Variants in ADAMTS19 observed in about 807,000 individuals in gnomAD.
ADAMTS19 encodes ADAM metallopeptidase with thrombospondin type 1 motif 19, also known as A disintegrin and metalloproteinase with thrombospondin motifs 19.
In ADAMTS19, 93 loss-of-function variants were observed where a neutral mutation model predicts 153.3. That is an observed-to-expected ratio of 0.61 (90% CI 0.51 to 0.72). The LOEUF is 0.72. ADAMTS19 is among the 30% of genes least tolerant of loss of function. ADAMTS19 has a pLI of 0.00. For synonymous variants in ADAMTS19, 600 were observed against 556.6 expected (o/e 1.08, Z -1.10); for missense variants, 1,482 against 1,552.1 (o/e 0.95, Z 0.76).
At chr5:129,515,918 A>C (rs901875282) in intron 3 of ADAMTS19, among the ~76,000 whole-genome samples, 3 of 151,812 alleles carry the variant, frequency 2.0e-5, no homozygotes, top group African/African-American at 7.2e-5. Flanking sequence ...TACTAGCTGT[A>C]GGCCTGTGGC....
chr5:129,510,747 A>G (rs1388638345), intron 3 of ADAMTS19, among the ~76,000 whole-genome samples: 2 of 151,740 alleles, frequency 1.3e-5, no homozygotes, highest in Non-Finnish European at 1.5e-5. Flanking sequence ...CAGGCTCTGT[A>G]TGCCATTATG....
At chr5:129,608,324 G>A (rs1324362425) in intron 8 of ADAMTS19, among the ~76,000 whole-genome samples, 1 of 151,564 alleles carries the variant, frequency 6.6e-6, no homozygotes, top group East Asian at 1.9e-4. Context: ...AAGAATGGTG[G>A]TTACCAGGAG....
At chr5:129,549,739 A>G (rs1160886977) in intron 6 of ADAMTS19, among the ~76,000 whole-genome samples, 2 of 150,928 alleles carry the variant, frequency 1.3e-5, no homozygotes, top group Non-Finnish European at 3.0e-5. Context: ...ACTCCAAAAA[A>G]TTAAATATAC....
intron 12 of ADAMTS19, among the ~76,000 whole-genome samples, chr5:129,648,210 GA>G (rs1206809972): frequency 5.9e-5 from 9 of 152,302 alleles, no homozygotes; most frequent in African/African-American, 1.7e-4. Flanking sequence ...GAGAAGAGCA[GA>G]AGGATGATAA....
intron 7 of ADAMTS19, among the ~76,000 whole-genome samples, chr5:129,555,491 G>T (rs1452732735): frequency 6.6e-6 from 1 of 152,140 alleles, no homozygotes; most frequent in African/African-American, 2.4e-5. Flanking sequence ...CAGATGTCTA[G>T]ATTTAAATCA....
intron 21 of ADAMTS19, among the ~76,000 whole-genome samples, chr5:129,722,998 A>G (rs749607235): frequency 2.0e-5 from 3 of 151,854 alleles, no homozygotes; most frequent in Non-Finnish European, 2.9e-5. Context: ...ACACATTTTC[A>G]TTTTCTCTCA....
At chr5:129,673,579 T>C (rs963384209) in intron 16 of ADAMTS19, among the ~76,000 whole-genome samples, 1 of 152,154 alleles carries the variant, frequency 6.6e-6, no homozygotes, top group African/African-American at 2.4e-5. Flanking sequence ...CAATGACCCG[T>C]TTATACTTGA....
Position 129,503,343 on chromosome 5 carries a change from T to C in ADAMTS19, c.748-5734T>C, listed in dbSNP as rs373508373. ...GTGTAGTTTTATACAGATTTATATGTAGATATAGAATACACAAATGCATGA... is the reference window on the plus strand; with the variant it reads ...GTGTAGTTTTATACAGATTTATATGCAGATATAGAATACACAAATGCATGA... On this transcript the variant is annotated intron_variant, in intron 2 of 22. Transcript: ENST00000274487. 4.6e-5 allele frequency among the ~76,000 whole-genome samples: 7 copies of C among 152,270 alleles called. No homozygotes were observed. The East Asian group carries it at 1.2e-3, about 25-fold the overall frequency.
chr5:129,524,755 A>G (rs1751945527), intron 3 of ADAMTS19, among the ~76,000 whole-genome samples: 1 of 151,756 alleles, frequency 6.6e-6, no homozygotes, highest in Admixed American at 6.6e-5. Context: ...CCAGAACTTG[A>G]AGGGAAAAAA....
intron 2 of ADAMTS19, among the ~76,000 whole-genome samples, chr5:129,473,549 A>T (rs1010761624): frequency 2.6e-5 from 4 of 152,132 alleles, no homozygotes; most frequent in Non-Finnish European, 5.9e-5. Flanking sequence ...ATATTTGTAT[A>T]TAAATATAAT....
At chr5:129,577,623 A>G (rs910973481) in intron 7 of ADAMTS19, among the ~76,000 whole-genome samples, 3 of 152,156 alleles carry the variant, frequency 2.0e-5, no homozygotes, top group Non-Finnish European at 4.4e-5. Flanking sequence ...AATCCAGTCA[A>G]GAGGTCCTAA....
At chr5:129,614,374 G>C (rs1004528308) in intron 8 of ADAMTS19, among the ~76,000 whole-genome samples, 1 of 152,076 alleles carries the variant, frequency 6.6e-6, no homozygotes, top group Non-Finnish European at 1.5e-5. Flanking sequence ...TGCAAGGCTG[G>C]TTCAACATAC....
intron 21 of ADAMTS19, among the ~76,000 whole-genome samples, chr5:129,717,041 A>T (rs917515955): frequency 6.6e-6 from 1 of 152,226 alleles, no homozygotes; most frequent in African/African-American, 2.4e-5. Context: ...TTCTTCCAAC[A>T]ATCCAAGTCC....
chr5:129,701,329 T>C, intron 19 of ADAMTS19, 59 bp from the exon 20 acceptor site: 1 of 1,577,492 alleles, frequency 6.3e-7, no homozygotes, highest in Non-Finnish European at 8.7e-7. Context: ...GAGAACAGAC[T>C]AATACAAGTA....
chr5:129,528,540 T>A lies in ADAMTS19; in HGVS notation c.1191T>A (p.His397Gln), dbSNP rs762049571. 40 of 1,602,158 alleles carry A rather than the reference T, an allele frequency of 2.5e-5. No individual in the cohort carries two copies. The South Asian group carries it at 4.3e-4, about 17-fold the overall frequency. Residue 397 changes from histidine to glutamine, a missense_variant, in exon 6 of 23, where the codon CAT becomes CAA. His to Gln is a conservative substitution (Grantham distance 24, BLOSUM62 0). Transcript: ENST00000274487. ...TGCAGCCAGAACTATATATTGGGCA[T>A]CATGGAGAAAAAATGCTAGAGAGTT... ...HETPPELYIG[H>Q]HGEKMLESFC...
chr5:129,548,347 C>G (rs1288108806), intron 6 of ADAMTS19, among the ~76,000 whole-genome samples: 1 of 149,116 alleles, frequency 6.7e-6, no homozygotes, highest in Admixed American at 6.6e-5. Context: ...ACAAACAACC[C>G]CATCAAAAAG....
rs372830977 is a variant in ADAMTS19, at chr5:129,568,437, C to T, written c.1372+16530C>T. 1.4e-3 allele frequency among the ~76,000 whole-genome samples: 217 copies of T among 152,146 alleles called. 2 individuals carry two copies. Among genetic ancestry groups the T allele is most frequent in the African/African-American group, 5.1e-3 (211 of 41,496 alleles). On this transcript the variant is annotated intron_variant, in intron 7 of 22. Transcript: ENST00000274487. ...CATTTGAAATGGTAAAATACTGATT[C>T]TAAGTAGACTTTTAAGGGTGAATAT...
rs144219837 is a variant in ADAMTS19 at position 129,708,483 on chromosome 5, A to G, written c.3312+4092A>G. Among the ~76,000 whole-genome samples the G allele has an allele frequency of 2.0e-5, 3 of 150,720 alleles. No individual in the cohort carries two copies. The East Asian group carries it at 5.9e-4, about 29-fold the overall frequency. On this transcript the variant is annotated intron_variant, in intron 21 of 22. Transcript: ENST00000274487. Reference sequence around the variant, plus strand: ...TGACTTGAAAAATAACATTGTCTCTAATGTTTAATGAAATGACATTTTTTT... The same window carrying G: ...TGACTTGAAAAATAACATTGTCTCTGATGTTTAATGAAATGACATTTTTTT...
rs79586671 is a variant in ADAMTS19, at chr5:129,693,864, A to T, written c.2819-856A>T. 5.4e-3 allele frequency among the ~76,000 whole-genome samples: 815 copies of T among 152,278 alleles called. 6 individuals carry two copies. Among genetic ancestry groups the T allele is most frequent in the African/African-American group, 0.019 (777 of 41,562 alleles). ...AGTCCCATTTCTTTTCTTACAGATG[A>T]TGACAATCATTTGGGTAAAGATTTC... On this transcript the variant is annotated intron_variant, in intron 18 of 22. Transcript: ENST00000274487.
Sources: gnomAD v4.1 joint callset for allele counts (sites outside exome capture counted in the v4.1 genomes callset) on GRCh38, gnomAD v4.1.1 for gene constraint, MANE v1.5 for transcripts, NCBI Gene and HGNC (gene_info 2026-07-23, HGNC 2026-07-21) for gene names.